Variants in GRIN2A observed in about 807,000 individuals in gnomAD.
The protein encoded by GRIN2A is glutamate ionotropic receptor NMDA type subunit 2A, also known as glutamate receptor ionotropic, NMDA 2A.
A neutral mutation model predicts 113.4 loss-of-function variants in GRIN2A; 22 were observed. That is an observed-to-expected ratio of 0.19 (90% CI 0.14 to 0.28). The LOEUF (loss-of-function observed/expected upper bound fraction) is 0.28. GRIN2A is among the 10% of genes least tolerant of loss of function. The probability of loss-of-function intolerance (pLI) is 1.00; values close to 1 mark genes in which losing one functional copy is unlikely to be tolerated. For synonymous variants in GRIN2A, 827 were observed against 738.4 expected (o/e 1.12, Z -1.94); for missense variants, 1,502 against 1,887.0 (o/e 0.80, Z 3.78).
intron 2 of GRIN2A, among the ~76,000 whole-genome samples, chr16:10,163,279 G>A (rs1214446264): frequency 6.6e-6 from 1 of 152,134 alleles, no homozygotes; most frequent in Non-Finnish European, 1.5e-5. Context: ...CAAGAGACAA[G>A]CCAAAGCACC....
At chr16:10,058,325 C>T (rs538751080) in intron 2 of GRIN2A, among the ~76,000 whole-genome samples, 5 of 151,326 alleles carry the variant, frequency 3.3e-5, no homozygotes, top group African/African-American at 4.8e-5. Flanking sequence ...ACAAAAAAAC[C>T]GCTAGATTAC....
At position 9,866,128 on chromosome 16, in the gene GRIN2A, C is replaced by T. The variant is rs77188888; in HGVS notation, c.1123-16167G>A. Among the ~76,000 whole-genome samples, 1,212 of 152,272 alleles carry T rather than the reference C, an allele frequency of 8.0e-3. 19 individuals carry two copies. The highest frequency in any genetic ancestry group is 0.027 in the African/African-American group (1,141 of 41,564). ...CCTTATCTGTAAAGGATCCACTCAC[C>T]AGTGAGGAAGATAAAATACAATGCC... is the stretch of plus-strand genomic sequence containing the variant. On this transcript the variant is annotated intron_variant, in intron 4 of 12. Coordinates refer to ENST00000330684, the MANE Select transcript of GRIN2A (RefSeq NM_001134407.3).
At chr16:9,884,155 A>T (rs574741776) in intron 4 of GRIN2A, among the ~76,000 whole-genome samples, 1 of 152,222 alleles carries the variant, frequency 6.6e-6, no homozygotes, top group African/African-American at 2.4e-5. Context: ...GTGCACTAAA[A>T]ATATCTACAA....
In GRIN2A at chr16:9,822,276, C is replaced by G; in HGVS notation, c.2156G>C (p.Ser719Thr). Residue 719 changes from serine (S) to threonine (T), a missense_variant, in exon 10 of 13, where the codon AGC becomes ACC. Physicochemically the swap from Ser to Thr is moderately conservative, Grantham distance 58 (BLOSUM62 1). Transcript: ENST00000330684. ...CTGCCATCCTTACCCCGTTTTCAGG[C>G]TGACCAAGGCGTCCTCTACTCCTTT... The part of the protein sequence containing the change: ...NQKGVEDALV[S>T]LKTGKLDAFI... 1 of 1,613,870 alleles carries G rather than the reference C, an allele frequency of 6.2e-7. No homozygotes were observed. Among genetic ancestry groups the G allele is most frequent in the South Asian group, 1.1e-5 (1 of 91,078 alleles).
intron 2 of GRIN2A, among the ~76,000 whole-genome samples, chr16:9,945,412 G>C (rs893065784): frequency 6.6e-6 from 1 of 152,112 alleles, no homozygotes; most frequent in African/African-American, 2.4e-5. Flanking sequence ...GGAACAGAAG[G>C]AAAGTCAGAA....
At chr16:9,906,527 A>T (rs12708642) in intron 3 of GRIN2A, among the ~76,000 whole-genome samples, 9,016 of 152,226 alleles carry the variant, frequency 0.059, 900 homozygotes, top group African/African-American at 0.21. Context: ...TCTCATTCAA[A>T]CACATTTCTT....
intron 2 of GRIN2A, among the ~76,000 whole-genome samples, chr16:9,973,510 T>C (rs1567209802): frequency 6.6e-6 from 1 of 151,956 alleles, no homozygotes; most frequent in Non-Finnish European, 1.5e-5. Flanking sequence ...GGGGAAAAAA[T>C]ATTGAAGAAT....
rs113337877 is a variant in GRIN2A at position 10,180,845 on chromosome 16, T to A, written c.-18-416A>T. On this transcript the variant is annotated intron_variant, in intron 1 of 12. Transcript: ENST00000330684. The surrounding 1 kb of genome is among the most constrained non-coding windows in gnomAD (Gnocchi z 7.0). ...TCCATCCAACCCCTCCCACCTGGGATAGAGAGGACCAAGTTATCAACCCCG... is the reference window on the plus strand; with the variant it reads ...TCCATCCAACCCCTCCCACCTGGGAAAGAGAGGACCAAGTTATCAACCCCG... 1.5e-3 allele frequency: 332 copies of A among 226,454 alleles called. 2 individuals carry two copies. Among genetic ancestry groups the A allele is most frequent in the African/African-American group, 6.8e-3 (299 of 43,916 alleles). The allele number at this position is 226,454 out of a possible 1,614,324, so 14.0% of individuals were successfully genotyped here.
chr16:9,865,218 G>A (rs575102578), intron 4 of GRIN2A, among the ~76,000 whole-genome samples: 5 of 152,308 alleles, frequency 3.3e-5, no homozygotes, highest in Admixed American at 3.3e-4. Flanking sequence ...CTAAGGCACT[G>A]GGGGAAGAGG....
At chr16:10,158,280 C>T (rs1202540244) in intron 2 of GRIN2A, among the ~76,000 whole-genome samples, 1 of 152,332 alleles carries the variant, frequency 6.6e-6, no homozygotes, top group East Asian at 1.9e-4. Flanking sequence ...GCTAGGATTA[C>T]AGGCGTGAGC....
chr16:10,010,183 C>T (rs1183743435), intron 2 of GRIN2A, among the ~76,000 whole-genome samples: 1 of 152,216 alleles, frequency 6.6e-6, no homozygotes, highest in Non-Finnish European at 1.5e-5. Flanking sequence ...CAAGGCCTAC[C>T]TGGTTCTTTC....
intron 2 of GRIN2A, among the ~76,000 whole-genome samples, chr16:10,022,707 G>A (rs533031241): frequency 1.3e-5 from 2 of 152,272 alleles, no homozygotes; most frequent in African/African-American, 4.8e-5. Flanking sequence ...GTGACTGAAT[G>A]AGTGAATGAA....
intron 2 of GRIN2A, among the ~76,000 whole-genome samples, chr16:10,044,335 A>C (rs532297458): frequency 1.5e-4 from 23 of 152,006 alleles, no homozygotes; most frequent in African/African-American, 4.3e-4. Context: ...CCTGGCCTGC[A>C]ATATTTTTTC....
chr16:9,846,443 T>A (rs1195048275), intron 5 of GRIN2A, among the ~76,000 whole-genome samples: 1 of 152,216 alleles, frequency 6.6e-6, no homozygotes, highest in African/African-American at 2.4e-5. Flanking sequence ...AATCACATAT[T>A]ATATCTTTAA....
chr16:9,763,655 C>T lies in GRIN2A; in HGVS notation c.3889G>A (p.Asp1297Asn), dbSNP rs1431125566. ...SRQHSYDNIV[D>N]KPRELDLSRP... ...CTAAGGTCTAGCTCCCTAGGTTTGT[C>T]GACAATGTTATCGTAGGAATGCTGA... Residue 1297 changes from aspartate (D) to asparagine (N), a missense_variant, in exon 13 of 13, where the codon GAC (aspartate) becomes AAC (asparagine). This residue lies in a region of GRIN2A where 832 missense variants were observed against 789.7 expected (regional missense o/e 1.05). Coordinates refer to ENST00000330684, the MANE Select transcript of GRIN2A (RefSeq NM_001134407.3). The T allele has an allele frequency of 1.2e-6, 2 of 1,613,360 alleles. No individual in the cohort carries two copies. The highest frequency in any genetic ancestry group is 1.7e-6 in the Non-Finnish European group (2 of 1,179,990).
intron 5 of GRIN2A, among the ~76,000 whole-genome samples, chr16:9,842,252 C>CAAAAAA (rs57369493): frequency 3.6e-5 from 5 of 137,094 alleles, no homozygotes; most frequent in African/African-American, 1.3e-4. Flanking sequence ...ACTCTGTCTC[C>CAAAAAA]AAAAAAAAAA....
intron 2 of GRIN2A, among the ~76,000 whole-genome samples, chr16:10,147,726 A>G (rs1097731): frequency 0.61 from 92,460 of 151,666 alleles, 28,616 homozygotes; most frequent in East Asian, 0.92. Context: ...AAATACAAGC[A>G]TAGCTTCTAC....
intron 2 of GRIN2A, among the ~76,000 whole-genome samples, chr16:10,108,690 A>G (rs1316436439): frequency 6.6e-6 from 1 of 152,106 alleles, no homozygotes; most frequent in African/African-American, 2.4e-5. Context: ...TCTCTTAACC[A>G]CTATAGATAC....
intron 2 of GRIN2A, among the ~76,000 whole-genome samples, chr16:9,946,200 C>T (rs977675223): frequency 6.6e-6 from 1 of 152,216 alleles, no homozygotes; most frequent in African/African-American, 2.4e-5. Context: ...AAGACCCAAG[C>T]TGGCTTTACC....
Sources: allele counts gnomAD v4.1 joint callset (sites outside exome capture counted in the v4.1 genomes callset), GRCh38; gene constraint gnomAD v4.1.1; regional missense constraint gnomAD v4.1.1; non-coding constraint Gnocchi (gnomAD v3.1); transcripts MANE v1.5; gene names NCBI Gene and HGNC (gene_info 2026-07-23, HGNC 2026-07-21).